AOPEP: variants seen among roughly 807,000 people sequenced by gnomAD.
AOPEP encodes aminopeptidase O.
A neutral mutation model predicts 98.1 loss-of-function variants in AOPEP; 77 were observed. The observed-to-expected ratio is 0.78, with a 90% CI of 0.65 to 0.95. The LOEUF (loss-of-function observed/expected upper bound fraction) is 0.95. AOPEP is among the 40% of genes least tolerant of loss of function. The pLI is 0.00. For synonymous variants in AOPEP, 346 were observed against 365.3 expected (o/e 0.95, Z 0.60); for missense variants, 1,024 against 1,024.7 (o/e 1.00, Z 0.01).
intron 5 of AOPEP, among the ~76,000 whole-genome samples, chr9:94,918,979 A>G (rs1364275788): frequency 6.6e-6 from 1 of 151,804 alleles, no homozygotes; most frequent in Non-Finnish European, 1.5e-5. Flanking sequence ...GCAATGGTGC[A>G]ATCTCGGCTC....
chr9:95,051,961 C>G (rs1056141472), intron 13 of AOPEP, among the ~76,000 whole-genome samples: 1 of 152,152 alleles, frequency 6.6e-6, no homozygotes, highest in African/African-American at 2.4e-5. Flanking sequence ...CCTCGGCCTC[C>G]CAAAGTGCTG....
chr9:94,731,695 G>A (rs895694634), intron 1 of AOPEP, among the ~76,000 whole-genome samples: 12 of 150,436 alleles, frequency 8.0e-5, no homozygotes, highest in Non-Finnish European at 1.8e-4. Flanking sequence ...AAAGTCTCTC[G>A]TTGGTAAAAG....
intron 13 of AOPEP, among the ~76,000 whole-genome samples, chr9:95,025,238 C>G (rs2063751929): frequency 6.6e-6 from 1 of 152,200 alleles, no homozygotes; most frequent in East Asian, 1.9e-4. Flanking sequence ...GTCAGAAATT[C>G]TGGCTTGTCC....
chr9:95,009,771 T>C (rs1461425854), intron 13 of AOPEP, among the ~76,000 whole-genome samples: 2 of 152,194 alleles, frequency 1.3e-5, no homozygotes, highest in Non-Finnish European at 2.9e-5. Context: ...ACTCTTGAGC[T>C]ACTCAGTGTT....
At chr9:94,830,035 GTATT>G (rs1482308512) in intron 5 of AOPEP, among the ~76,000 whole-genome samples, 1 of 152,128 alleles carries the variant, frequency 6.6e-6, no homozygotes, top group Non-Finnish European at 1.5e-5. Context: ...ATTTATTTAT[GTATT>G]TATTCAACTT....
At chr9:95,058,276 C>T (rs138509017) in intron 13 of AOPEP, among the ~76,000 whole-genome samples, 83 of 152,344 alleles carry the variant, frequency 5.4e-4, no homozygotes, top group Non-Finnish European at 1.1e-3. Context: ...TTTCTTTGCT[C>T]TGTGTGTCTC....
chr9:95,057,700 T>C (rs2066946402), intron 13 of AOPEP, among the ~76,000 whole-genome samples: 1 of 152,252 alleles, frequency 6.6e-6, no homozygotes, highest in Admixed American at 6.5e-5. Flanking sequence ...AAAATAACGT[T>C]TGTTCACTGA....
chr9:95,022,588 C>T (rs10993457), intron 13 of AOPEP, among the ~76,000 whole-genome samples: 16,590 of 152,044 alleles, frequency 0.11, 1,073 homozygotes, highest in East Asian at 0.18. Context: ...ATCCGCCCGC[C>T]TTGGCCTCCC....
chr9:95,000,122 C>CT (rs1429697693), intron 11 of AOPEP, among the ~76,000 whole-genome samples: 3 of 151,756 alleles, frequency 2.0e-5, no homozygotes, highest in Admixed American at 1.3e-4. Context: ...CAAAATCCTC[C>CT]TAAAAAAAAA....
At chr9:95,058,372 T>C (rs576158356) in intron 13 of AOPEP, among the ~76,000 whole-genome samples, 73 of 152,230 alleles carry the variant, frequency 4.8e-4, no homozygotes, top group Non-Finnish European at 9.7e-4. Flanking sequence ...GATGCTTTTC[T>C]TTCTACTCTC....
At chr9:94,912,238 G>C (rs996279254) in intron 5 of AOPEP, among the ~76,000 whole-genome samples, 2 of 152,114 alleles carry the variant, frequency 1.3e-5, no homozygotes, top group Admixed American at 6.6e-5. Flanking sequence ...AAAACCACTA[G>C]AATAGATAGT....
chr9:95,136,630 G>A, the AOPEP span, among the ~76,000 whole-genome samples: 1 of 152,158 alleles, frequency 6.6e-6, no homozygotes, highest in South Asian at 2.1e-4. Context: ...GGGACTACAG[G>A]TGCACGTCAC....
intron 5 of AOPEP, among the ~76,000 whole-genome samples, chr9:94,801,728 C>T (rs1366276877): frequency 6.6e-6 from 1 of 152,134 alleles, no homozygotes; most frequent in Non-Finnish European, 1.5e-5. Flanking sequence ...AGAGAATGTA[C>T]TTGGTTATAT....
the AOPEP span, among the ~76,000 whole-genome samples, chr9:95,130,299 T>TGA: frequency 0.22 from 33,504 of 149,068 alleles, 3,993 homozygotes; most frequent in Non-Finnish European, 0.28. Flanking sequence ...TGTGTGTGTG[T>TGA]GAGAGAGAGA....
At chr9:94,979,303 A>C in intron 10 of AOPEP, 64 bp from the exon 11 acceptor site, 1 of 1,050,164 alleles carries the variant, frequency 9.5e-7, no homozygotes, top group South Asian at 1.4e-5. Context: ...AGAGAGAACC[A>C]GTCTGTGTAA....
At chr9:94,937,689 G>T (rs2056467690) in intron 7 of AOPEP, among the ~76,000 whole-genome samples, 1 of 150,824 alleles carries the variant, frequency 6.6e-6, no homozygotes, top group Non-Finnish European at 1.5e-5. Context: ...TTATGACTCA[G>T]CACAGATTGC....
intron 7 of AOPEP, among the ~76,000 whole-genome samples, chr9:94,945,924 T>TA (rs1411537669): frequency 6.6e-6 from 1 of 152,128 alleles, no homozygotes; most frequent in Non-Finnish European, 1.5e-5. Context: ...TCTGAATGTG[T>TA]ATGGCACACC....
intron 5 of AOPEP, among the ~76,000 whole-genome samples, chr9:94,907,054 C>A (rs931740565): frequency 2.0e-5 from 3 of 152,166 alleles, no homozygotes; most frequent in African/African-American, 4.8e-5. Flanking sequence ...TCTTTCTGAG[C>A]CTTTGTTTCT....
In AOPEP at chr9:94,846,707, A is replaced by C. The variant is rs117355031; in HGVS notation, c.1364+45705A>C. On this transcript the variant is annotated intron_variant, in intron 5 of 16. Coordinates refer to ENST00000375315, the MANE Select transcript of AOPEP (RefSeq NM_001193329.3). ...GAGGATTGCTTGAACCCAGGAGTTC[A>C]AGATCATCTTGGAAAACAAAGTGAG... 3.1e-4 allele frequency among the ~76,000 whole-genome samples: 47 copies of C among 152,300 alleles called. No individual in the cohort carries two copies. The East Asian group carries it at 8.7e-3, about 28-fold the overall frequency.
Sources: allele counts gnomAD v4.1 joint callset (sites outside exome capture counted in the v4.1 genomes callset), GRCh38; gene constraint gnomAD v4.1.1; transcripts MANE v1.5; gene names NCBI Gene and HGNC (gene_info 2026-07-23, HGNC 2026-07-21).